XXYLT1: variants seen among roughly 807,000 people sequenced by gnomAD.
The protein encoded by XXYLT1 is UDP-xylose:alpha-xyloside alpha-1,3-xylosyltransferase.
Under a neutral mutation model 28.9 loss-of-function variants are expected in XXYLT1, and 20 were observed. The ratio of observed to expected loss-of-function variants is 0.69; its 90% CI spans 0.49 to 1.00. The LOEUF (loss-of-function observed/expected upper bound fraction) is 1.00. XXYLT1 is among the 50% of genes least tolerant of loss of function. XXYLT1 has a pLI of 0.00. For missense variants in XXYLT1, 542 were observed against 560.1 expected (o/e 0.97, Z 0.33); for synonymous variants, 257 against 253.8 (o/e 1.01, Z -0.12).
intron 2 of XXYLT1, among the ~76,000 whole-genome samples, chr3:195,182,729 CA>C (rs1722012846): frequency 6.6e-6 from 1 of 152,094 alleles, no homozygotes; most frequent in African/African-American, 2.4e-5. Context: ...ATAAAAAGAA[CA>C]AAAGACCTTA....
At chr3:195,259,808 A>T (rs1409741900) in intron 1 of XXYLT1, among the ~76,000 whole-genome samples, 1 of 152,208 alleles carries the variant, frequency 6.6e-6, no homozygotes, top group Non-Finnish European at 1.5e-5. Flanking sequence ...CGCGGCTCCA[A>T]CAGACACGTT....
At chr3:195,193,807 G>A (rs1477885310) in intron 2 of XXYLT1, among the ~76,000 whole-genome samples, 3 of 151,974 alleles carry the variant, frequency 2.0e-5, no homozygotes, top group East Asian at 1.9e-4. Flanking sequence ...GTAATTCAAC[G>A]GGTAAAGGAC....
At chr3:195,096,706 C>T (rs1716467171) in intron 3 of XXYLT1, among the ~76,000 whole-genome samples, 4 of 152,186 alleles carry the variant, frequency 2.6e-5, no homozygotes, top group Non-Finnish European at 5.9e-5. Flanking sequence ...ATTTAACAAG[C>T]AAGGCTGAGC....
rs565334307 is a variant in XXYLT1, at chr3:195,251,539, C to T, written c.504+19016G>A. Among the ~76,000 whole-genome samples, 65 of 152,304 alleles carry T rather than the reference C, an allele frequency of 4.3e-4. 3 individuals carry two copies. The highest frequency in any genetic ancestry group is 4.0e-3 in the Admixed American group (61 of 15,292). On this transcript the variant is annotated intron_variant, in intron 1 of 3. Transcript: ENST00000310380. The stretch of plus-strand genomic sequence containing the variant: ...TCCAGACTTCAGTGAGGGGCTGCTC[C>T]GCCTGCAGCTGGAGGCACCCTCCTC...
intron 3 of XXYLT1, among the ~76,000 whole-genome samples, chr3:195,071,392 G>A (rs540199774): frequency 6.6e-6 from 1 of 152,318 alleles, no homozygotes; most frequent in South Asian, 2.1e-4. Context: ...TGGCCCTGAG[G>A]GGCCACTTCT....
chr3:195,236,612 C>A (rs527458261), intron 1 of XXYLT1, among the ~76,000 whole-genome samples: 1 of 151,878 alleles, frequency 6.6e-6, no homozygotes, highest in Non-Finnish European at 1.5e-5. Context: ...ATCTAAGCTG[C>A]GAGACACAGT....
intron 2 of XXYLT1, among the ~76,000 whole-genome samples, chr3:195,172,598 T>C (rs1721463955): frequency 6.6e-6 from 1 of 152,216 alleles, no homozygotes; most frequent in Admixed American, 6.5e-5. Flanking sequence ...CCACTGCAGA[T>C]AAGGCAGGGG....
At chr3:195,200,521 A>G (rs1193425513) in intron 2 of XXYLT1, among the ~76,000 whole-genome samples, 1 of 152,220 alleles carries the variant, frequency 6.6e-6, no homozygotes, top group Non-Finnish European at 1.5e-5. Context: ...AAGACATGCA[A>G]CAGGACATAG....
intron 2 of XXYLT1, among the ~76,000 whole-genome samples, chr3:195,223,750 C>G (rs894700429): frequency 1.6e-4 from 25 of 152,200 alleles, no homozygotes; most frequent in African/African-American, 5.8e-4. Context: ...CCTGGCAGGA[C>G]ACACCCCAGA....
intron 3 of XXYLT1, among the ~76,000 whole-genome samples, chr3:195,128,552 C>A (rs1407296324): frequency 6.6e-6 from 1 of 152,210 alleles, no homozygotes; most frequent in Non-Finnish European, 1.5e-5. Context: ...AGCACTCTTA[C>A]CTGCACACCC....
chr3:195,155,896 C>T (rs1388804726), intron 3 of XXYLT1, among the ~76,000 whole-genome samples: 1 of 152,224 alleles, frequency 6.6e-6, no homozygotes, highest in Non-Finnish European at 1.5e-5. Flanking sequence ...ACAAATAACG[C>T]TACAGTGAAT....
intron 3 of XXYLT1, among the ~76,000 whole-genome samples, chr3:195,121,145 C>G (rs994422721): frequency 6.6e-6 from 1 of 152,226 alleles, no homozygotes; most frequent in Non-Finnish European, 1.5e-5. Flanking sequence ...AATGCTGCAT[C>G]TACCAAAGCC....
chr3:195,079,976 G>A (rs984017745), intron 3 of XXYLT1, among the ~76,000 whole-genome samples: 1 of 152,104 alleles, frequency 6.6e-6, no homozygotes, highest in African/African-American at 2.4e-5. Flanking sequence ...TCACAGAAGG[G>A]CCCCCAGAAC....
intron 2 of XXYLT1, among the ~76,000 whole-genome samples, chr3:195,157,199 C>T (rs1022230462): frequency 2.4e-4 from 34 of 144,150 alleles, no homozygotes; most frequent in African/African-American, 6.4e-4. Context: ...GCTGAGATCG[C>T]GCCACTGCAC....
chr3:195,263,638 C>T (rs1322158635), intron 1 of XXYLT1, among the ~76,000 whole-genome samples: 1 of 152,180 alleles, frequency 6.6e-6, no homozygotes, highest in Admixed American at 6.5e-5. Context: ...AAATAAATAT[C>T]TTTCCTTTCT....
intron 2 of XXYLT1, among the ~76,000 whole-genome samples, chr3:195,171,010 C>T (rs2108715198): frequency 6.6e-6 from 1 of 152,324 alleles, no homozygotes; most frequent in African/African-American, 2.4e-5. Flanking sequence ...AATTCCCTTC[C>T]TGTCAGATTT....
At chr3:195,226,039 A>C (rs1044158612) in intron 2 of XXYLT1, among the ~76,000 whole-genome samples, 2 of 152,204 alleles carry the variant, frequency 1.3e-5, no homozygotes, top group African/African-American at 4.8e-5. Flanking sequence ...GTCAATATCC[A>C]GGGCTCCAGA....
intron 1 of XXYLT1, among the ~76,000 whole-genome samples, chr3:195,229,936 T>C (rs181535563): frequency 1.3e-5 from 2 of 152,346 alleles, no homozygotes; most frequent in East Asian, 1.9e-4. Flanking sequence ...ATGCTAGCTC[T>C]ATTTTCAGTT....
intron 3 of XXYLT1, among the ~76,000 whole-genome samples, chr3:195,123,343 C>G (rs1718461220): frequency 6.6e-6 from 1 of 152,182 alleles, no homozygotes; most frequent in African/African-American, 2.4e-5. Flanking sequence ...TCCCCGTCAG[C>G]AAGCCCCCCT....
Sources: allele counts gnomAD v4.1 joint callset (sites outside exome capture counted in the v4.1 genomes callset), GRCh38; gene constraint gnomAD v4.1.1; transcripts MANE v1.5; gene names NCBI Gene and HGNC (gene_info 2026-07-23, HGNC 2026-07-21).